The following EYA2 variants were observed in gnomAD, a reference collection of about 807,000 sequenced individuals.
EYA2 encodes EYA transcriptional coactivator and phosphatase 2.
Under a neutral mutation model 69.2 loss-of-function variants are expected in EYA2, and 31 were observed. That is an observed-to-expected ratio of 0.45 (90% CI 0.34 to 0.60). The LOEUF is 0.60. Ranked by LOEUF, EYA2 falls within the 20% of genes least tolerant of loss-of-function variation. The pLI, the probability that EYA2 is intolerant of heterozygous loss-of-function variation, is 0.02. For synonymous variants in EYA2, 257 were observed against 279.4 expected, an observed-to-expected ratio of 0.92 and a Z score of 0.80; for missense variants, 622 against 701.2, an observed-to-expected ratio of 0.89 and a Z score of 1.28.
intron 9 of EYA2, among the ~76,000 whole-genome samples, chr20:47,099,778 C>CGTCT (rs2032371264): frequency 6.6e-6 from 1 of 151,812 alleles, no homozygotes; most frequent in African/African-American, 2.4e-5. Flanking sequence ...ATCTAAATTG[C>CGTCT]GTCTGTCCTC....
At chr20:47,100,372 T>G (rs1412159267) in intron 9 of EYA2, among the ~76,000 whole-genome samples, 1 of 152,172 alleles carries the variant, frequency 6.6e-6, no homozygotes, top group African/African-American at 2.4e-5. Context: ...AGGACTGCCC[T>G]CTTAGGGGGG....
intron 9 of EYA2, among the ~76,000 whole-genome samples, chr20:47,132,954 C>A (rs1191557780): frequency 6.6e-6 from 1 of 152,216 alleles, no homozygotes; most frequent in Non-Finnish European, 1.5e-5. Flanking sequence ...CTTGGGCTTG[C>A]TCAGCAGGCC....
chr20:47,051,218 G>A (rs1454834264), intron 5 of EYA2, among the ~76,000 whole-genome samples: 2 of 152,254 alleles, frequency 1.3e-5, no homozygotes, highest in South Asian at 2.1e-4. Flanking sequence ...CGCCATTGCA[G>A]TGTATGCACG....
chr20:47,164,745 G>A (rs186070701), intron 10 of EYA2, among the ~76,000 whole-genome samples: 162 of 152,248 alleles, frequency 1.1e-3, no homozygotes, highest in Non-Finnish European at 1.9e-3. Context: ...GGATGCCCTG[G>A]CTGAAGGAGG....
intron 7 of EYA2, among the ~76,000 whole-genome samples, chr20:47,084,139 G>C (rs553431762): frequency 1.5e-4 from 23 of 152,240 alleles, no homozygotes; most frequent in Middle Eastern, 3.4e-3. Flanking sequence ...CCAGCTACTC[G>C]GGAGGCTGAG....
chr20:47,043,982 G>A (rs559159592), intron 5 of EYA2, among the ~76,000 whole-genome samples: 2 of 152,296 alleles, frequency 1.3e-5, no homozygotes, highest in East Asian at 3.9e-4. Context: ...TCCAGTAATA[G>A]ACTATCCTTT....
In EYA2 at chr20:47,114,967, G is replaced by A. The variant is rs116477544; in HGVS notation, c.888+17799G>A. Among the ~76,000 whole-genome samples, 926 of 152,356 alleles carry A rather than the reference G, an allele frequency of 6.1e-3. 6 individuals are homozygous for A. Among genetic ancestry groups the A allele is most frequent in the African/African-American group, 0.02 (816 of 41,578 alleles). The stretch of plus-strand genomic sequence containing the variant: ...CCCCAGAAGCTCAGCAGTTGCCTGT[G>A]CTGTGCTTATACAGCCTGCAGAACT... On this transcript the variant is annotated intron_variant, in intron 9 of 15. Transcript: ENST00000327619.
At chr20:46,973,107 C>G (rs1029534417) in intron 1 of EYA2, among the ~76,000 whole-genome samples, 2 of 152,146 alleles carry the variant, frequency 1.3e-5, no homozygotes, top group African/African-American at 4.8e-5. Context: ...ACCTGGGACT[C>G]CTGATGAGAT....
intron 1 of EYA2, among the ~76,000 whole-genome samples, chr20:46,980,500 A>G (rs774745574): frequency 5.9e-5 from 9 of 152,166 alleles, no homozygotes; most frequent in African/African-American, 1.2e-4. Flanking sequence ...TAATAGATGG[A>G]CATATTTTCA....
In EYA2 at chr20:46,946,502, A is replaced by G. The variant is rs962227115; in HGVS notation, c.-10-43499A>G. Among the ~76,000 whole-genome samples the G allele has an allele frequency of 3.9e-5, 6 of 152,180 alleles. No individual in the cohort carries two copies. The South Asian group carries it at 1.0e-3, about 26-fold the overall frequency. On this transcript the variant is annotated intron_variant, in intron 1 of 15. Transcript: ENST00000327619. The stretch of plus-strand genomic sequence containing the variant: ...CTTTGTTCTAAGAACTTTTCTGGAC[A>G]TGACCCTGGGTCCACCCTAAGCCCC...
intron 5 of EYA2, among the ~76,000 whole-genome samples, chr20:47,039,718 C>T (rs889214638): frequency 2.6e-5 from 4 of 152,034 alleles, no homozygotes; most frequent in Admixed American, 2.6e-4. Context: ...GATTGTGGAG[C>T]CAGCCTGCCT....
At chr20:46,901,047 G>A (rs1324828004) in intron 1 of EYA2, 2 of 152,170 alleles carry the variant, frequency 1.3e-5, no homozygotes, top group Admixed American at 6.5e-5. Flanking sequence ...GGTTGAAGTG[G>A]ACACAGAAAG....
In EYA2 at chr20:46,959,627, C is replaced by T. The variant is rs538029942; in HGVS notation, c.-10-30374C>T. Among the ~76,000 whole-genome samples the T allele has an allele frequency of 2.0e-5, 3 of 147,300 alleles. No homozygotes were observed. In the South Asian group the frequency reaches 6.4e-4, roughly 32 times the overall value. ...GGCATCCCCCCAACACATACGCACA[C>T]AAACGTGCACACATGCACGCACACG... On this transcript the variant is annotated intron_variant, in intron 1 of 15. Transcript: ENST00000327619.
At chr20:47,066,649 A>G (rs2031119287) in intron 5 of EYA2, among the ~76,000 whole-genome samples, 1 of 152,190 alleles carries the variant, frequency 6.6e-6, no homozygotes, top group African/African-American at 2.4e-5. Context: ...CCCTTTGCCT[A>G]GAACTCATCA....
chr20:47,082,305 A>C (rs1268627618), intron 7 of EYA2, among the ~76,000 whole-genome samples: 1 of 152,120 alleles, frequency 6.6e-6, no homozygotes, highest in Non-Finnish European at 1.5e-5. Context: ...AAGAAGTAAA[A>C]CTTCATGAAG....
intron 2 of EYA2, among the ~76,000 whole-genome samples, chr20:46,994,970 G>A (rs1415973975): frequency 4.6e-5 from 7 of 151,456 alleles, no homozygotes; most frequent in East Asian, 1.9e-4. Flanking sequence ...GCACGATCTC[G>A]GCTCACTGCA....
rs568686552 is a variant in EYA2, at chr20:47,182,363, C to T, written c.1436-928C>T. On this transcript the variant is annotated intron_variant, in intron 14 of 15. Transcript: ENST00000327619. ...TTAAGATGGGTCAGGCGCGGTGGCT[C>T]ACGCCTGTAATCCCAGCACTTTGGG... Among the ~76,000 whole-genome samples, 293 of 151,244 alleles carry T rather than the reference C, an allele frequency of 1.9e-3. 1 individual carries two copies. The highest frequency in any genetic ancestry group is 6.9e-3 in the African/African-American group (283 of 41,302).
At chr20:47,132,571 C>T (rs1484403592) in intron 9 of EYA2, among the ~76,000 whole-genome samples, 1 of 152,186 alleles carries the variant, frequency 6.6e-6, no homozygotes, top group African/African-American at 2.4e-5. Context: ...GGAGAGTGAA[C>T]ATCTCCTTCA....
At chr20:47,062,502 G>A (rs920612557) in intron 5 of EYA2, among the ~76,000 whole-genome samples, 20 of 152,132 alleles carry the variant, frequency 1.3e-4, no homozygotes, top group African/African-American at 4.3e-4. Context: ...CTCCAGGATC[G>A]GTGCAGAAAA....
Sources: gnomAD v4.1 joint callset for allele counts (sites outside exome capture counted in the v4.1 genomes callset) on GRCh38, gnomAD v4.1.1 for gene constraint, MANE v1.5 for transcripts, NCBI Gene and HGNC (gene_info 2026-07-23, HGNC 2026-07-21) for gene names.